IQSEC1: variants seen among roughly 807,000 people sequenced by gnomAD.
IQSEC1 encodes the protein IQ motif and SEC7 domain-containing protein 1.
IQSEC1 carries 31 observed loss-of-function variants against 91.0 expected under a neutral mutation model. That is an observed-to-expected ratio of 0.34 (90% CI 0.26 to 0.46). The LOEUF (loss-of-function observed/expected upper bound fraction) is 0.46, where lower values mean the gene tolerates loss of function less well. Ranked by LOEUF, IQSEC1 falls within the 20% of genes least tolerant of loss-of-function variation. IQSEC1 has a pLI of 1.00. For synonymous variants in IQSEC1, 699 were observed against 662.6 expected, an observed-to-expected ratio of 1.05 and a Z score of -0.84; for missense variants, 1,388 against 1,575.6, an observed-to-expected ratio of 0.88 and a Z score of 2.02.
Position 13,174,330 on chromosome 3 carries a change from T to C in IQSEC1, c.273-10197A>G, listed in dbSNP as rs373721273. Among the ~76,000 whole-genome samples, 94 of 152,232 alleles carry C rather than the reference T, an allele frequency of 6.2e-4. 4 individuals carry two copies. The South Asian group carries it at 0.012, about 19-fold the overall frequency. ...GGCTGCACTGCCCCGGGAGTCCACA[T>C]TGGCTGCAGACCAAACTCACGTGGC... On this transcript the variant is annotated intron_variant, in intron 1 of 15. Transcript: ENST00000648114.
chr3:13,187,043 C>G (rs1231686035), intron 1 of IQSEC1, among the ~76,000 whole-genome samples: 1 of 152,102 alleles, frequency 6.6e-6, no homozygotes, highest in Non-Finnish European at 1.5e-5. Flanking sequence ...TCCTTCCTCT[C>G]CTTCCTTCCT....
intron 1 of IQSEC1, among the ~76,000 whole-genome samples, chr3:13,058,230 G>A (rs1269201356): frequency 1.3e-5 from 2 of 152,160 alleles, no homozygotes; most frequent in Non-Finnish European, 1.5e-5. Context: ...CCGAGATGGC[G>A]CCACTGCACT....
rs1303766534 is a variant in IQSEC1 at position 13,205,288 on chromosome 3, T to A, written c.273-41155A>T. Among the ~76,000 whole-genome samples, 4 of 151,900 alleles carry A rather than the reference T, an allele frequency of 2.6e-5. 1 individual carries two copies. Among genetic ancestry groups the A allele is most frequent in the Admixed American group, 6.6e-5 (1 of 15,254 alleles). On this transcript the variant is annotated intron_variant, in intron 1 of 15. Coordinates refer to the IQSEC1 transcript ENST00000648114. ...CAAGGAACCATTCTGTGCCATAAGCTCACCTCCACCTGGGATACAACAGAC... is the reference window on the plus strand; with the variant it reads ...CAAGGAACCATTCTGTGCCATAAGCACACCTCCACCTGGGATACAACAGAC...
At chr3:13,127,010 T>C (rs899752242) in intron 2 of IQSEC1, among the ~76,000 whole-genome samples, 1 of 152,262 alleles carries the variant, frequency 6.6e-6, no homozygotes, top group African/African-American at 2.4e-5. Flanking sequence ...TTTTGGCCTA[T>C]GGATATCTAA....
At position 13,268,480 on chromosome 3, in the gene IQSEC1, G is replaced by A. The variant is rs898163866; in HGVS notation, c.272+14231C>T. Among the ~76,000 whole-genome samples, 12 of 152,122 alleles carry A rather than the reference G, an allele frequency of 7.9e-5. No homozygotes were observed. The South Asian group carries it at 1.2e-3, about 16-fold the overall frequency. On this transcript the variant is annotated intron_variant, in intron 1 of 15. Coordinates refer to the IQSEC1 transcript ENST00000648114. ...CAGTGAAAACTCAGCTGTGGTCCAG[G>A]CCACTGCCACTAGACTTTCTGATGA...
intron 2 of IQSEC1, among the ~76,000 whole-genome samples, chr3:13,105,542 T>G (rs371527352): frequency 6.6e-6 from 1 of 152,122 alleles, no homozygotes; most frequent in Non-Finnish European, 1.5e-5. Context: ...CAGTTGCATT[T>G]TAAAATATTA....
Position 12,979,753 on chromosome 3 carries a change from AAGG to A in IQSEC1, c.24-37891_24-37889del, listed in dbSNP as rs148465205. Reference sequence around the variant, plus strand: ...ATCAGAAGGGCGGAAAGAGCACCGGAAGGAGAACTCTCTCTCATGTTCCAGGTG... The same window carrying A: ...ATCAGAAGGGCGGAAAGAGCACCGGAAGAACTCTCTCTCATGTTCCAGGTG... On this transcript the variant is annotated intron_variant, in intron 1 of 13. Coordinates refer to ENST00000613206, the MANE Select transcript of IQSEC1 (RefSeq NM_001134382.3). The surrounding 1 kb of genome is among the most constrained non-coding windows in gnomAD (Gnocchi z 4.3). Among the ~76,000 whole-genome samples the A allele has an allele frequency of 6.8e-3, 1,028 of 152,264 alleles. 16 individuals are homozygous for A. The highest frequency in any genetic ancestry group is 0.023 in the African/African-American group (970 of 41,528).
rs1339129165 is a variant in IQSEC1, at chr3:13,071,156, T to TTG, written c.23+1835_23+1836insCA. Among the ~76,000 whole-genome samples the TTG allele has an allele frequency of 1.1e-4, 13 of 119,748 alleles. No individual in the cohort carries two copies. The South Asian group carries it at 1.3e-3, about 12-fold the overall frequency. 78.6% of individuals were successfully genotyped at this position (119,748 alleles called of 152,430 possible). On this transcript the variant is annotated intron_variant, in intron 1 of 13. Coordinates refer to ENST00000613206, the MANE Select transcript of IQSEC1 (RefSeq NM_001134382.3). ...GGGACCCACACAGTTTTTTTTTGTT[T>TTG]TTTTTTTTTTGTTTGTTTCTTTAAC...
intron 1 of IQSEC1, among the ~76,000 whole-genome samples, chr3:13,216,125 T>C (rs1328525684): frequency 1.6e-4 from 25 of 152,250 alleles, no homozygotes; most frequent in Admixed American, 1.6e-3. Context: ...GCGTGTCCTT[T>C]GGCCATTCTA....
rs1198522599 is a variant in IQSEC1 at position 12,922,378 on chromosome 3, C to T, written c.1731-136G>A. 11 of 1,105,112 alleles carry T rather than the reference C, an allele frequency of 1.0e-5. No homozygotes were observed. Among genetic ancestry groups the T allele is most frequent in the Non-Finnish European group, 1.3e-5 (11 of 816,328 alleles). The allele number at this position is 1,105,112 out of a possible 1,614,324, so 68.5% of individuals were successfully genotyped here. A position where few individuals can be genotyped will look rare whatever the true frequency, so the allele number is the denominator to read the frequency against. ...GGGAGAGCCCCTGCCTGACTCCGACCAATCAGCCAAGAGCCCTCAGAATGC... is the reference window on the plus strand; with the variant it reads ...GGGAGAGCCCCTGCCTGACTCCGACTAATCAGCCAAGAGCCCTCAGAATGC... On this transcript the variant is annotated intron_variant, in intron 4 of 13. Transcript: ENST00000613206. The surrounding 1 kb of genome is among the most constrained non-coding windows in gnomAD (Gnocchi z 5.1).
At chr3:12,950,720 G>A (rs755302588) in intron 1 of IQSEC1, among the ~76,000 whole-genome samples, 13 of 148,520 alleles carry the variant, frequency 8.8e-5, no homozygotes, top group African/African-American at 3.0e-4. Context: ...TCGGCTCACC[G>A]CAAGCTTCAC....
At chr3:13,185,672 G>A (rs1164678693) in intron 1 of IQSEC1, among the ~76,000 whole-genome samples, 1 of 152,228 alleles carries the variant, frequency 6.6e-6, no homozygotes, top group Non-Finnish European at 1.5e-5. Flanking sequence ...GGACTATGGG[G>A]AACCCGAGGT....
rs1338442027 is a variant in IQSEC1 at position 12,994,312 on chromosome 3, C to T, written c.24-52447G>A. 2.0e-5 allele frequency among the ~76,000 whole-genome samples: 3 copies of T among 151,738 alleles called. No individual in the cohort carries two copies. The highest frequency in any genetic ancestry group is 7.3e-5 in the African/African-American group (3 of 41,358). On this transcript the variant is annotated intron_variant, in intron 1 of 13. Transcript: ENST00000613206. This position sits in a 1 kb window ranked among gnomAD's most constrained non-coding sequence, Gnocchi z 4.5. ...GGCGGGTGGCCTCGCCGCGCCTGGC[C>T]TCAGTTTCCCCCCTCGGAAGGTGTG...
chr3:13,135,219 T>C (rs1706688087), intron 2 of IQSEC1, among the ~76,000 whole-genome samples: 1 of 152,170 alleles, frequency 6.6e-6, no homozygotes, highest in African/African-American at 2.4e-5. Context: ...ATAAGCACAG[T>C]TCAAGGAGGT....
chr3:12,909,488 C>A lies in IQSEC1; in HGVS notation c.2417-54G>T. ...CCCACGGGTCTCAGTGTGTTCTCTG[C>A]AATCTCCTCTCTGGTCAGGAAACAA... On this transcript the variant is annotated intron_variant, in intron 10 of 13. Transcript: ENST00000613206. This position sits in a 1 kb window ranked among gnomAD's most constrained non-coding sequence, Gnocchi z 4.9. The A allele has an allele frequency of 6.5e-7, 1 of 1,530,906 alleles. No homozygotes were observed. The highest frequency in any genetic ancestry group is 9.0e-7 in the Non-Finnish European group (1 of 1,114,406). The allele number at this position is 1,530,906 out of a possible 1,614,324, so 94.8% of individuals were successfully genotyped here.
At chr3:13,139,327 G>A (rs1176143351) in intron 2 of IQSEC1, among the ~76,000 whole-genome samples, 1 of 152,224 alleles carries the variant, frequency 6.6e-6, no homozygotes, top group Non-Finnish European at 1.5e-5. Context: ...CCCCTTTGGA[G>A]TCCGTAATTT....
intron 1 of IQSEC1, among the ~76,000 whole-genome samples, chr3:13,186,551 G>C (rs1326785075): frequency 6.6e-6 from 1 of 152,228 alleles, no homozygotes; most frequent in African/African-American, 2.4e-5. Context: ...AGCTTGGGTT[G>C]GTGCCGCCTG....
intron 1 of IQSEC1, among the ~76,000 whole-genome samples, chr3:13,165,902 C>T (rs1012296295): frequency 1.3e-5 from 2 of 152,176 alleles, no homozygotes; most frequent in Admixed American, 6.5e-5. Context: ...TGCAACCGGG[C>T]CCCGCTTACG....
chr3:13,188,656 G>T (rs1475232128), intron 1 of IQSEC1, among the ~76,000 whole-genome samples: 1 of 152,186 alleles, frequency 6.6e-6, no homozygotes, highest in South Asian at 2.1e-4. Flanking sequence ...TGGGCAAAAG[G>T]CAAAGCCACA....
Sources: gnomAD v4.1 joint callset for allele counts (sites outside exome capture counted in the v4.1 genomes callset) on GRCh38, gnomAD v4.1.1 for gene constraint, Gnocchi (gnomAD v3.1) non-coding constraint, MANE v1.5 for transcripts, NCBI Gene and HGNC (gene_info 2026-07-23, HGNC 2026-07-21) for gene names.